The following LVRN variants were observed in gnomAD, a reference collection of about 807,000 sequenced individuals.
LVRN encodes the protein aminopeptidase Q.
In LVRN, 99 loss-of-function variants were observed where a neutral mutation model predicts 111.4. The ratio of observed to expected loss-of-function variants is 0.89; its 90% CI spans 0.76 to 1.05. The LOEUF (loss-of-function observed/expected upper bound fraction) is 1.05. LVRN is among the 50% of genes least tolerant of loss of function. The pLI, the probability that LVRN is intolerant of heterozygous loss-of-function variation, is 0.00. For missense variants in LVRN, 1,414 were observed against 1,206.8 expected, an observed-to-expected ratio of 1.17 and a Z score of -2.54; for synonymous variants, 488 against 449.5, an observed-to-expected ratio of 1.09 and a Z score of -1.08.
rs186758364 is a variant in LVRN at position 115,965,656 on chromosome 5, G to A, written c.695+2344G>A. Among the ~76,000 whole-genome samples the A allele has an allele frequency of 2.7e-3, 407 of 152,266 alleles. 3 individuals carry two copies. The highest frequency in any genetic ancestry group is 4.0e-3 in the Non-Finnish European group (272 of 68,010). On this transcript the variant is annotated intron_variant, in intron 1 of 19. Transcript: ENST00000357872. ...ACCCAGTGGGAGGTAATTGGAACATGGGGGTGGTTTCCCCCATGCTGTTCT... is the reference window on the plus strand; with the variant it reads ...ACCCAGTGGGAGGTAATTGGAACATAGGGGTGGTTTCCCCCATGCTGTTCT...
intron 1 of LVRN, among the ~76,000 whole-genome samples, chr5:115,981,716 C>T (rs1482976937): frequency 6.6e-6 from 1 of 151,992 alleles, no homozygotes; most frequent in Non-Finnish European, 1.5e-5. Context: ...ATTAACCATC[C>T]CCACCTCCCC....
chr5:116,015,536 C>T, intron 17 of LVRN, 92 bp from the exon 18 acceptor site: 1 of 1,504,584 alleles, frequency 6.6e-7, no homozygotes, highest in Non-Finnish European at 8.9e-7. Flanking sequence ...TGCTTCACTA[C>T]CTTAGAACCA....
intron 1 of LVRN, among the ~76,000 whole-genome samples, chr5:115,971,166 G>A (rs1237177570): frequency 6.6e-6 from 1 of 152,134 alleles, no homozygotes; most frequent in East Asian, 1.9e-4. Context: ...TTAACAAAAT[G>A]TCTGATAAAA....
chr5:115,966,663 G>T (rs1433271487), intron 1 of LVRN, among the ~76,000 whole-genome samples: 7 of 152,144 alleles, frequency 4.6e-5, no homozygotes, highest in Non-Finnish European at 8.8e-5. Context: ...TGGGACAAAT[G>T]TTCACAAGTG....
In LVRN at chr5:116,026,294, A is replaced by T. The variant is rs73783069; in HGVS notation, c.*176A>T. On this transcript the variant is annotated 3_prime_UTR_variant, in exon 20 of 20. Transcript: ENST00000357872. ...TCATGTTTGGCCCTGAGGGTGGGTGATTGCTGACAATTTTGCCAATGCTGC... is the reference window on the plus strand; with the variant it reads ...TCATGTTTGGCCCTGAGGGTGGGTGTTTGCTGACAATTTTGCCAATGCTGC... 5,413 of 889,482 alleles carry T rather than the reference A, an allele frequency of 6.1e-3. 65 individuals are homozygous for T. The highest frequency in any genetic ancestry group is 0.045 in the African/African-American group (2,659 of 58,842). 55.1% of individuals were successfully genotyped at this position (889,482 alleles called of 1,614,324 possible). A position where few individuals can be genotyped will look rare whatever the true frequency, so the allele number is the denominator to read the frequency against.
intron 1 of LVRN, among the ~76,000 whole-genome samples, chr5:115,982,801 G>C (rs1489828257): frequency 6.6e-6 from 1 of 152,090 alleles, no homozygotes; most frequent in Non-Finnish European, 1.5e-5. Flanking sequence ...TTACTCCCAA[G>C]AGTGTCCAAA....
intron 19 of LVRN, among the ~76,000 whole-genome samples, chr5:116,025,397 T>C (rs937985557): frequency 1.3e-5 from 2 of 152,192 alleles, no homozygotes; most frequent in African/African-American, 4.8e-5. Flanking sequence ...AAAAAACTTA[T>C]AACTTATTTA....
intron 15 of LVRN, among the ~76,000 whole-genome samples, chr5:116,013,118 C>T (rs954929029): frequency 1.3e-5 from 2 of 152,076 alleles, no homozygotes; most frequent in South Asian, 2.1e-4. Context: ...TAGCCAATAA[C>T]GGTATAGGGA....
intron 15 of LVRN, among the ~76,000 whole-genome samples, chr5:116,013,320 C>G (rs1306643475): frequency 4.6e-5 from 7 of 152,110 alleles, no homozygotes; most frequent in Non-Finnish European, 8.8e-5. Flanking sequence ...TAAGGACTAG[C>G]TGGGATCAAG....
intron 1 of LVRN, among the ~76,000 whole-genome samples, chr5:115,981,871 C>G (rs992937632): frequency 1.3e-5 from 2 of 151,848 alleles, no homozygotes; most frequent in Non-Finnish European, 2.9e-5. Flanking sequence ...TAGGAGAATT[C>G]AAAGGTGATT....
At chr5:115,968,605 T>A (rs1032034412) in intron 1 of LVRN, among the ~76,000 whole-genome samples, 2 of 151,988 alleles carry the variant, frequency 1.3e-5, no homozygotes, top group African/African-American at 4.8e-5. Context: ...CCCCCACCCT[T>A]TTTGATAAGA....
chr5:115,981,639 T>A (rs1264088061), intron 1 of LVRN, among the ~76,000 whole-genome samples: 1 of 152,188 alleles, frequency 6.6e-6, no homozygotes, highest in Non-Finnish European at 1.5e-5. Context: ...TTGACTGTAG[T>A]CACCCTGTTG....
At chr5:116,012,494 T>C in intron 15 of LVRN, 26 bp downstream of exon 15, 2 of 1,335,062 alleles carry the variant, frequency 1.5e-6, no homozygotes, top group Non-Finnish European at 2.1e-6. Context: ...GAAGTGATAA[T>C]TGAATAAAAT....
chr5:116,015,596 A>C (rs1266746421), intron 17 of LVRN, 32 bp from the exon 18 acceptor site: 2 of 1,583,964 alleles, frequency 1.3e-6, no homozygotes, highest in Admixed American at 3.6e-5. Flanking sequence ...TTGGATGTTT[A>C]AAATGTATTT....
intron 1 of LVRN, among the ~76,000 whole-genome samples, chr5:115,973,150 A>T (rs192615251): frequency 3.3e-5 from 5 of 152,230 alleles, no homozygotes; most frequent in Admixed American, 1.3e-4. Flanking sequence ...GGCTGGTCTC[A>T]AACTCCTGAG....
At chr5:116,023,897 T>C (rs894361328) in intron 19 of LVRN, among the ~76,000 whole-genome samples, 1 of 152,150 alleles carries the variant, frequency 6.6e-6, no homozygotes, top group Non-Finnish European at 1.5e-5. Context: ...ACCATCTAAA[T>C]GCCCACCCAT....
At chr5:116,023,824 G>A (rs1250888828) in intron 19 of LVRN, among the ~76,000 whole-genome samples, 1 of 152,188 alleles carries the variant, frequency 6.6e-6, no homozygotes, top group Non-Finnish European at 1.5e-5. Context: ...ATCCTACTGG[G>A]AGGAATGTAA....
At chr5:116,014,389 T>C in intron 15 of LVRN, 31 bp from the exon 16 acceptor site, 2 of 1,531,338 alleles carry the variant, frequency 1.3e-6, no homozygotes, top group Non-Finnish European at 1.8e-6. Flanking sequence ...TAATGCAAAA[T>C]AAACTGTTTT....
chr5:116,010,821 C>G lies in LVRN; in HGVS notation c.2174C>G (p.Thr725Arg). ...AEEDEIIVWHTVLVNLVTRDL... is the reference protein window; with the variant it reads ...AEEDEIIVWHRVLVNLVTRDL... The stretch of plus-strand genomic sequence containing the variant: ...GAAGATGAAATTATAGTATGGCATA[C>G]AGTCTTGGTAAACTTGGTAACCAGG... Residue 725 changes from threonine to arginine, a missense_variant, in exon 14 of 20, where the codon ACA (threonine) becomes AGA (arginine). Thr to Arg is a moderately conservative substitution (Grantham distance 71). Transcript: ENST00000357872. 6.2e-7 allele frequency: 1 copy of G among 1,612,368 alleles called. No individual in the cohort carries two copies. The highest frequency in any genetic ancestry group is 2.2e-5 in the East Asian group (1 of 44,764).
Sources: gnomAD v4.1 joint callset for allele counts (sites outside exome capture counted in the v4.1 genomes callset) on GRCh38, gnomAD v4.1.1 for gene constraint, MANE v1.5 for transcripts, NCBI Gene and HGNC (gene_info 2026-07-23, HGNC 2026-07-21) for gene names.